Variants in HELLS observed in about 807,000 individuals in gnomAD.
The protein encoded by HELLS is lymphoid-specific helicase.
Under a neutral mutation model 120.0 loss-of-function variants are expected in HELLS, and 32 were observed. That is an observed-to-expected ratio of 0.27 (90% CI 0.20 to 0.36). HELLS has a LOEUF of 0.36. HELLS is among the 10% of genes least tolerant of loss of function. The pLI is 1.00. For missense variants in HELLS, 650 were observed against 993.4 expected (o/e 0.65, Z 4.65); for synonymous variants, 341 against 323.4 (o/e 1.05, Z -0.58).
intron 2 of HELLS, chr10:94,551,071 A>G (rs1463107471): frequency 1.3e-5 from 2 of 152,210 alleles, no homozygotes; most frequent in East Asian, 1.9e-4. Flanking sequence ...GCGTATTGTA[A>G]CCACAGTAGT....
rs1843788307 is a variant in HELLS, at chr10:94,566,181, T to C, written c.435+3305T>C. On this transcript the variant is annotated intron_variant, in intron 6 of 21. Transcript: ENST00000348459. Reference sequence around the variant, plus strand: ...ACAGGTCTGAGCCACTGTGTCCGGTTGGGAATTGGATGTTTATACACCATA... The same window carrying C: ...ACAGGTCTGAGCCACTGTGTCCGGTCGGGAATTGGATGTTTATACACCATA... Among the ~76,000 whole-genome samples the C allele has an allele frequency of 2.0e-5, 3 of 152,128 alleles. No homozygotes were observed. The South Asian group carries it at 6.2e-4, about 32-fold the overall frequency.
chr10:94,580,397 G>C (rs1410843296), intron 10 of HELLS, among the ~76,000 whole-genome samples: 3 of 151,358 alleles, frequency 2.0e-5, no homozygotes, highest in African/African-American at 7.3e-5. Context: ...GGCCAGGCTG[G>C]TCTCAAACTC....
intron 6 of HELLS, among the ~76,000 whole-genome samples, chr10:94,568,441 A>G (rs1470434715): frequency 9.2e-5 from 14 of 152,112 alleles, no homozygotes. Context: ...TTAGGAGGTT[A>G]TCTGAATTTC....
intron 10 of HELLS, among the ~76,000 whole-genome samples, chr10:94,578,070 CAAAAAAAA>C (rs58732872): frequency 1.8e-4 from 11 of 60,840 alleles, no homozygotes; most frequent in East Asian, 8.3e-4. Context: ...GACTCCGTCT[CAAAAAAAA>C]AAAAAAAAAA....
At chr10:94,575,765 TTGTGTTTGTGTGTGTGTG>T (rs1844427810) in intron 9 of HELLS, among the ~76,000 whole-genome samples, 3 of 38,708 alleles carry the variant, frequency 7.8e-5, no homozygotes, top group East Asian at 1.3e-3. Context: ...GGGGGGGGGG[TTGTGTTTGTGTGTGTGTG>T]TGTGTGTGTG....
intron 10 of HELLS, among the ~76,000 whole-genome samples, chr10:94,580,117 G>GTATATA (rs58984411): frequency 2.0e-3 from 128 of 65,454 alleles, no homozygotes; most frequent in Non-Finnish European, 2.9e-3. Context: ...CATTATAAAA[G>GTATATA]TATATATATA....
downstream of HELLS, among the ~76,000 whole-genome samples, chr10:94,603,320 G>C (rs1313424636): frequency 1.3e-5 from 2 of 152,118 alleles, no homozygotes; most frequent in Non-Finnish European, 2.9e-5. Context: ...TGACGTCAGT[G>C]ACCTCATTTT....
Position 94,581,333 on chromosome 10 carries a change from A to T in HELLS, c.1040A>T (p.Tyr347Phe). ...MRDRNALQHC[Y>F]WKYLIVDEGH... Reference sequence around the variant, plus strand: ...CCTCAATTCGTTTTCTAGCATTGCTATTGGAAATACTTAATAGTAGATGAA... The same window carrying T: ...CCTCAATTCGTTTTCTAGCATTGCTTTTGGAAATACTTAATAGTAGATGAA... Residue 347 changes from tyrosine (Y) to phenylalanine (F), a missense_variant, in exon 11 of 22, where the codon TAT becomes TTT. Physicochemically the swap from Tyr to Phe is conservative, Grantham distance 22 (BLOSUM62 3). This residue lies in a region of HELLS where 61 missense variants were observed against 86.5 expected (regional missense o/e 0.71). Coordinates refer to ENST00000348459, the MANE Select transcript of HELLS (RefSeq NM_018063.5). The T allele has an allele frequency of 3.9e-6, 6 of 1,537,376 alleles. No individual in the cohort carries two copies. Among genetic ancestry groups the T allele is most frequent in the South Asian group, 1.3e-5 (1 of 79,314 alleles).
In HELLS at chr10:94,598,863, A is replaced by G. The variant is rs184747375; in HGVS notation, c.2422+1752A>G. Among the ~76,000 whole-genome samples, 592 of 152,152 alleles carry G rather than the reference A, an allele frequency of 3.9e-3. 3 individuals carry two copies. Among genetic ancestry groups the G allele is most frequent in the African/African-American group, 0.014 (562 of 41,530 alleles). ...GCTCTTACATTTAGATCTATGATCT[A>G]TTTTCAATGAATTTTCATCTTTTTG... On this transcript the variant is annotated intron_variant, in intron 21 of 21. Coordinates refer to ENST00000348459, the MANE Select transcript of HELLS (RefSeq NM_018063.5).
intron 5 of HELLS, 38 bp from the exon 6 acceptor site, chr10:94,562,774 A>G (rs772259148): frequency 6.5e-7 from 1 of 1,539,942 alleles, no homozygotes. Flanking sequence ...TTATATTTCT[A>G]TTTTAATTGC....
intron 15 of HELLS, among the ~76,000 whole-genome samples, 182 bp downstream of exon 15, chr10:94,590,958 G>T (rs991498030): frequency 2.0e-5 from 3 of 152,028 alleles, no homozygotes; most frequent in Non-Finnish European, 2.9e-5. Flanking sequence ...CCTTATCAGG[G>T]TTAGAAAAAT....
chr10:94,551,352 C>T (rs528466508), intron 2 of HELLS, among the ~76,000 whole-genome samples: 162 of 152,016 alleles, frequency 1.1e-3, no homozygotes, highest in African/African-American at 3.3e-3. Context: ...AGGTGGACCA[C>T]GAGGTCAGTT....
At chr10:94,610,279 A>G (rs374067053) in exon 10 of HELLS, 2 of 152,202 alleles carry the variant, frequency 1.3e-5, no homozygotes, top group African/African-American at 4.8e-5. Context: ...GGATTAAAAA[A>G]AATACTGTTT....
chr10:94,606,744 T>G (rs181478918), downstream of HELLS, among the ~76,000 whole-genome samples: 13 of 152,348 alleles, frequency 8.5e-5, no homozygotes, highest in Non-Finnish European at 1.8e-4. Flanking sequence ...TAGTCTGTCT[T>G]TTATTTTGAT....
chr10:94,609,967 G>C (rs923417884), exon 10 of HELLS: 32 of 152,184 alleles, frequency 2.1e-4, no homozygotes, highest in African/African-American at 7.0e-4. Flanking sequence ...GACCTGAAGA[G>C]AGGCATCCAG....
chr10:94,574,797 A>C, intron 9 of HELLS, 61 bp downstream of exon 9: 2 of 1,326,136 alleles, frequency 1.5e-6, no homozygotes, highest in Non-Finnish European at 2.1e-6. Flanking sequence ...GCTTTGTTGT[A>C]GTAGGAATTA....
Position 94,588,303 on chromosome 10 carries a change from C to T in HELLS, c.1401C>T (p.Val467=), listed in dbSNP as rs766355592. The change falls in exon 13 of 22, where the codon GTC becomes GTT. Residue 467 remains valine (V), a synonymous_variant. Transcript: ENST00000348459. ...AAGTTCCTCCTAAACGAGAAGTAGT[C>T]GTTTATGCTCCACTTTCAAAGAAGC... The part of the protein sequence containing the change: ...ALEVPPKREV[V]VYAPLSKKQE... 88 of 1,610,558 alleles carry T rather than the reference C, an allele frequency of 5.5e-5. No individual in the cohort carries two copies. The highest frequency in any genetic ancestry group is 6.5e-5 in the Non-Finnish European group (76 of 1,177,262).
intron 4 of HELLS, among the ~76,000 whole-genome samples, chr10:94,561,395 C>T (rs931905915): frequency 2.6e-5 from 4 of 152,182 alleles, no homozygotes; most frequent in African/African-American, 9.7e-5. Flanking sequence ...TCACTTTATT[C>T]CACCTAACTT....
chr10:94,551,386 T>C (rs1289209617), intron 2 of HELLS, among the ~76,000 whole-genome samples: 1 of 151,718 alleles, frequency 6.6e-6, no homozygotes, highest in African/African-American at 2.4e-5. Context: ...GCCAAGATGG[T>C]GAAAGCCCGT....
Sources: allele counts gnomAD v4.1 joint callset (sites outside exome capture counted in the v4.1 genomes callset), GRCh38; gene constraint gnomAD v4.1.1; regional missense constraint gnomAD v4.1.1; transcripts MANE v1.5; gene names NCBI Gene and HGNC (gene_info 2026-07-23, HGNC 2026-07-21).